ALG13: variants seen among roughly 807,000 people sequenced by gnomAD.
The protein encoded by ALG13 is UDP-N-acetylglucosamine transferase subunit ALG13.
ALG13 carries 11 observed loss-of-function variants against 87.8 expected under a neutral mutation model. The observed-to-expected ratio is 0.13, with a 90% CI of 0.08 to 0.21. ALG13 has a LOEUF of 0.21. Ranked by LOEUF, ALG13 falls within the 10% of genes least tolerant of loss-of-function variation. The pLI is 1.00. For missense variants in ALG13, 756 were observed against 866.1 expected, an observed-to-expected ratio of 0.87 and a Z score of 1.60; for synonymous variants, 320 against 306.3, an observed-to-expected ratio of 1.04 and a Z score of -0.47.
intron 3 of ALG13, among the ~76,000 whole-genome samples, chrX:111,703,229 C>G (rs769593898): frequency 9.2e-6 from 1 of 109,212 alleles, no homozygotes; most frequent in South Asian, 4.0e-4. Context: ...TCATTTCTTT[C>G]CCTCTGCTTT....
At chrX:111,727,525 C>T in intron 17 of ALG13, 80 bp downstream of exon 17, 1 of 1,098,289 alleles carries the variant, frequency 9.1e-7, no homozygotes, top group Non-Finnish European at 1.2e-6. Context: ...AAAGTGTCAA[C>T]TTTGAGATAT....
chrX:111,715,744 A>G (rs1730984421), intron 8 of ALG13, among the ~76,000 whole-genome samples: 1 of 112,334 alleles, frequency 8.9e-6, no homozygotes, highest in African/African-American at 3.2e-5. Flanking sequence ...AAATGATTGT[A>G]TTATAGGCAG....
Position 111,727,352 on chromosome X carries a change from A to G in ALG13, c.1997A>G (p.Asn666Ser). 1 of 1,208,397 alleles carries G rather than the reference A, an allele frequency of 8.3e-7. No individual in the cohort carries two copies. Residue 666 changes from asparagine (N) to serine (S), a missense_variant, in exon 17 of 27, where the codon AAC becomes AGC. By Grantham distance (46) the Asn-to-Ser change is conservative. Transcript: ENST00000394780. Reference protein sequence around the residue: ...GMPRNSSRFINRHNMPGPKVD... With the variant: ...GMPRNSSRFISRHNMPGPKVD... ...CTTAGGAATTCATCTCGGTTTATAA[A>G]CAGGCACAACATGCCGGGCCCTAAA...
At chrX:111,730,059 C>G (rs1227914064) in intron 19 of ALG13, among the ~76,000 whole-genome samples, 1 of 112,040 alleles carries the variant, frequency 8.9e-6, no homozygotes, top group Non-Finnish European at 1.9e-5. Flanking sequence ...AATCAGAATT[C>G]AAATCTAGGC....
chrX:111,718,076 T>C (rs1468778820), intron 9 of ALG13, 36 bp from the exon 10 acceptor site: 4 of 1,134,741 alleles, frequency 3.5e-6, no homozygotes, highest in Middle Eastern at 2.4e-4. Context: ...ATAAATCTTA[T>C]TTTGACAATT....
At chrX:111,705,093 G>A (rs1401422083) in intron 3 of ALG13, among the ~76,000 whole-genome samples, 3 of 111,604 alleles carry the variant, frequency 2.7e-5, no homozygotes, top group Non-Finnish European at 5.7e-5. Flanking sequence ...AAATCATACA[G>A]TTTTTGCTTC....
chrX:111,681,510 C>T (rs776504331), intron 1 of ALG13: 2 of 1,017,962 alleles, frequency 2.0e-6, no homozygotes, highest in South Asian at 2.5e-5. Flanking sequence ...CCTGTTTCCT[C>T]TTCCCATTAT....
rs1556445122 is a variant in ALG13, at chrX:111,682,301, G to T, written c.244+7G>T. The T allele has an allele frequency of 6.1e-6, 7 of 1,154,681 alleles. No individual in the cohort carries two copies. Among genetic ancestry groups the T allele is most frequent in the Non-Finnish European group, 6.9e-6 (6 of 866,690 alleles). On this transcript the variant is annotated splice_region_variant and intron_variant, in intron 2 of 26. Transcript: ENST00000394780. ...CTTGTTATTAGTCACGCAGGTAAAGGTGCCTAAGAATCTCAGGGTTGGGTC... is the reference window on the plus strand; with the variant it reads ...CTTGTTATTAGTCACGCAGGTAAAGTTGCCTAAGAATCTCAGGGTTGGGTC...
chrX:111,688,200 A>G, intron 3 of ALG13: 2 of 804,906 alleles, frequency 2.5e-6, no homozygotes, highest in Non-Finnish European at 3.0e-6. Context: ...TGAAATTACT[A>G]GATTTTTTTC....
intron 3 of ALG13, among the ~76,000 whole-genome samples, chrX:111,699,028 TTCA>T (rs1302068723): frequency 8.9e-6 from 1 of 112,241 alleles, no homozygotes; most frequent in Non-Finnish European, 1.9e-5. Flanking sequence ...CTTGTTATCT[TTCA>T]TCATTTTAAA....
At chrX:111,681,353 G>A in intron 1 of ALG13, 54 bp downstream of exon 1, 1 of 1,206,531 alleles carries the variant, frequency 8.3e-7, no homozygotes, top group South Asian at 1.8e-5. Context: ...GCCATCTCCG[G>A]CCATACTGCC....
chrX:111,758,910 C>G (rs1400154702), intron 26 of ALG13, among the ~76,000 whole-genome samples: 10 of 111,235 alleles, frequency 9.0e-5, no homozygotes. Flanking sequence ...ACCTGACTTG[C>G]CAGGGTTGTT....
chrX:111,694,083 G>A (rs1189166277), intron 3 of ALG13, among the ~76,000 whole-genome samples: 1 of 107,111 alleles, frequency 9.3e-6, no homozygotes, highest in Non-Finnish European at 1.9e-5. Flanking sequence ...TCGCTCTGTC[G>A]CCCAGGCTGG....
At chrX:111,752,888 T>C in intron 25 of ALG13, 58 bp downstream of exon 25, 3 of 932,114 alleles carry the variant, frequency 3.2e-6, no homozygotes, top group Non-Finnish European at 4.5e-6. Flanking sequence ...TAGACCGTTT[T>C]GATAATCAGA....
intron 15 of ALG13, among the ~76,000 whole-genome samples, chrX:111,726,239 T>G (rs898624454): frequency 1.5e-4 from 15 of 97,538 alleles, no homozygotes; most frequent in Middle Eastern, 5.0e-3. Context: ...TTTGTTTTTT[T>G]TTTTTTTTTT....
intron 25 of ALG13, among the ~76,000 whole-genome samples, chrX:111,754,786 GAAAAAC>G (rs1397275242): frequency 8.9e-6 from 1 of 111,825 alleles, no homozygotes; most frequent in African/African-American, 3.3e-5. Context: ...GACACAAAGG[GAAAAAC>G]GTTCCATGCT....
Position 111,687,816 on chromosome X carries a change from C to T in ALG13, c.383+2713C>T. 3.1e-6 allele frequency: 3 copies of T among 953,602 alleles called. No individual in the cohort carries two copies. In the South Asian group the frequency reaches 7.7e-5, roughly 24 times the overall value. The allele number at this position is 953,602 out of a possible 1,213,427, so 78.6% of individuals were successfully genotyped here. Reference sequence around the variant, plus strand: ...TATATTCTTGGAAGTTAGATTCAGTCATCAGTGGGCAGCAGATGAAGTATG... The same window carrying T: ...TATATTCTTGGAAGTTAGATTCAGTTATCAGTGGGCAGCAGATGAAGTATG... On this transcript the variant is annotated intron_variant, in intron 3 of 26. Transcript: ENST00000394780.
chrX:111,681,202 C>CT lies in ALG13; in HGVS notation c.-15dup. ...TCATATCCGGCCCTTGCGATCAGGGCTTGAGGAACCCGCGCCATGAAGTGC... is the reference window on the plus strand; with the variant it reads ...TCATATCCGGCCCTTGCGATCAGGGCTTTGAGGAACCCGCGCCATGAAGTGC... On this transcript the variant is annotated 5_prime_UTR_variant, in exon 1 of 27. Coordinates refer to ENST00000394780, the MANE Select transcript of ALG13 (RefSeq NM_001099922.3). The CT allele has an allele frequency of 1.7e-6, 2 of 1,209,428 alleles. No homozygotes were observed. The highest frequency in any genetic ancestry group is 2.2e-6 in the Non-Finnish European group (2 of 893,117).
chrX:111,747,635 C>G (rs1293330998), intron 24 of ALG13, among the ~76,000 whole-genome samples: 1 of 110,992 alleles, frequency 9.0e-6, no homozygotes, highest in Non-Finnish European at 1.9e-5. Flanking sequence ...TATAGGCACC[C>G]ACCACCACAC....
Sources: gnomAD v4.1 joint callset for allele counts (sites outside exome capture counted in the v4.1 genomes callset) on GRCh38, gnomAD v4.1.1 for gene constraint, MANE v1.5 for transcripts, NCBI Gene and HGNC (gene_info 2026-07-23, HGNC 2026-07-21) for gene names.